Variants in MSRA observed in about 807,000 individuals in gnomAD.
MSRA encodes the protein methionine sulfoxide reductase A, also known as mitochondrial peptide methionine sulfoxide reductase.
In MSRA, 54 loss-of-function variants were observed where a neutral mutation model predicts 31.3. That is an observed-to-expected ratio of 1.73 (90% CI 1.39 to 2.17). MSRA has a LOEUF of 2.17. MSRA is among the 30% of genes most tolerant of loss of function. MSRA has a pLI of 0.00. For missense variants in MSRA, 507 were observed against 300.9 expected (o/e 1.69, Z -5.07); for synonymous variants, 169 against 116.5 (o/e 1.45, Z -2.90).
At chr8:10,118,652 G>A (rs964192344) in intron 1 of MSRA, among the ~76,000 whole-genome samples, 3 of 152,050 alleles carry the variant, frequency 2.0e-5, no homozygotes, top group Non-Finnish European at 2.9e-5. Flanking sequence ...CCAGTGTGCC[G>A]TGTGCTCCTT....
At chr8:10,309,231 GT>G (rs1168184585) in intron 4 of MSRA, among the ~76,000 whole-genome samples, 2 of 152,248 alleles carry the variant, frequency 1.3e-5, no homozygotes, top group African/African-American at 2.4e-5. Flanking sequence ...TGTATTAAAT[GT>G]TTTCTCGTTG....
At chr8:10,347,336 A>T (rs920900285) in intron 5 of MSRA, among the ~76,000 whole-genome samples, 1 of 152,194 alleles carries the variant, frequency 6.6e-6, no homozygotes, top group African/African-American at 2.4e-5. Context: ...GATATCTGCA[A>T]CTGGATATTC....
At chr8:10,236,987 C>T (rs1479928533) in intron 2 of MSRA, among the ~76,000 whole-genome samples, 1 of 152,222 alleles carries the variant, frequency 6.6e-6, no homozygotes, top group African/African-American at 2.4e-5. Flanking sequence ...CATTCTACCA[C>T]ATGTTAACTA....
intron 1 of MSRA, among the ~76,000 whole-genome samples, chr8:10,127,214 A>C (rs752964293): frequency 2.6e-5 from 4 of 152,140 alleles, no homozygotes; most frequent in African/African-American, 4.8e-5. Flanking sequence ...ATTTTTGCCA[A>C]GTGTTCCATT....
Position 10,428,362 on chromosome 8 carries a change from C to A in MSRA, c.*50C>A, listed in dbSNP as rs1318060332. 1 of 1,574,232 alleles carries A rather than the reference C, an allele frequency of 6.4e-7. No individual in the cohort carries two copies. ...GAGGTTCCAGTAAAAATGCTTTCAA[C>A]AAATTGGGCAATGCTTGTGTGATTC... On this transcript the variant is annotated 3_prime_UTR_variant, in exon 6 of 6. Coordinates refer to ENST00000317173, the MANE Select transcript of MSRA (RefSeq NM_012331.5).
At chr8:10,080,324 T>G (rs902481031) in intron 1 of MSRA, among the ~76,000 whole-genome samples, 1 of 152,064 alleles carries the variant, frequency 6.6e-6, no homozygotes, top group Non-Finnish European at 1.5e-5. Context: ...AATCTTTTTT[T>G]TTTTTTTCCT....
intron 1 of MSRA, among the ~76,000 whole-genome samples, chr8:10,107,365 C>G (rs11990610): frequency 0.26 from 39,795 of 151,716 alleles, 5,495 homozygotes; most frequent in East Asian, 0.41. Flanking sequence ...TCCTTGTAAC[C>G]AAACCGATGA....
At chr8:10,301,206 A>G (rs544469122) in intron 3 of MSRA, among the ~76,000 whole-genome samples, 2 of 152,304 alleles carry the variant, frequency 1.3e-5, no homozygotes, top group South Asian at 4.1e-4. Flanking sequence ...CTTGAGCGCT[A>G]TGTCAGGGTG....
At chr8:10,264,258 T>G (rs1393596039) in intron 3 of MSRA, among the ~76,000 whole-genome samples, 1 of 152,230 alleles carries the variant, frequency 6.6e-6, no homozygotes, top group Non-Finnish European at 1.5e-5. Context: ...TCATTTCCAG[T>G]AGCTTATGAG....
intron 3 of MSRA, among the ~76,000 whole-genome samples, chr8:10,287,572 T>C (rs1404850833): frequency 1.3e-5 from 2 of 152,200 alleles, no homozygotes; most frequent in African/African-American, 2.4e-5. Flanking sequence ...TGTTTGTTAC[T>C]GAGAGAACCC....
At chr8:10,202,917 G>T (rs1007801779) in intron 1 of MSRA, among the ~76,000 whole-genome samples, 1 of 152,166 alleles carries the variant, frequency 6.6e-6, no homozygotes, top group Non-Finnish European at 1.5e-5. Flanking sequence ...TGGGTAGGAA[G>T]TGGGAGAGCT....
chr8:10,231,561 CAGAT>C (rs1482505083), intron 2 of MSRA, among the ~76,000 whole-genome samples: 1 of 152,190 alleles, frequency 6.6e-6, no homozygotes, highest in African/African-American at 2.4e-5. Flanking sequence ...AAGTCATTCT[CAGAT>C]GGATGATATG....
chr8:10,113,687 C>A (rs1800465129), intron 1 of MSRA, among the ~76,000 whole-genome samples: 1 of 151,532 alleles, frequency 6.6e-6, no homozygotes, highest in Admixed American at 6.6e-5. Context: ...AGGTGGAAGA[C>A]TGTTAATTTA....
chr8:10,213,487 A>AGTG (rs1321311805), intron 2 of MSRA, among the ~76,000 whole-genome samples: 1 of 121,592 alleles, frequency 8.2e-6, no homozygotes, highest in Non-Finnish European at 1.6e-5. Flanking sequence ...CCCAGGCTGG[A>AGTG]GTGCAGTGAC....
At chr8:10,184,683 T>C (rs1462217422) in intron 1 of MSRA, among the ~76,000 whole-genome samples, 1 of 152,218 alleles carries the variant, frequency 6.6e-6, no homozygotes, top group Non-Finnish European at 1.5e-5. Flanking sequence ...TTTTCACTGA[T>C]CTACTTAACA....
intron 2 of MSRA, among the ~76,000 whole-genome samples, chr8:10,236,940 T>G (rs1013287732): frequency 5.3e-5 from 8 of 152,232 alleles, no homozygotes; most frequent in Non-Finnish European, 1.2e-4. Context: ...TATGTTATTG[T>G]TTTCATAGTA....
At chr8:10,195,398 G>C (rs1183954207) in intron 1 of MSRA, among the ~76,000 whole-genome samples, 1 of 152,098 alleles carries the variant, frequency 6.6e-6, no homozygotes, top group Non-Finnish European at 1.5e-5. Flanking sequence ...ATGCCACCAC[G>C]CCAGGCTAAT....
chr8:10,157,648 T>G (rs1804268041), intron 1 of MSRA, among the ~76,000 whole-genome samples: 1 of 152,046 alleles, frequency 6.6e-6, no homozygotes. Flanking sequence ...ATAATAATAG[T>G]TCTTTAATAT....
intron 2 of MSRA, among the ~76,000 whole-genome samples, chr8:10,226,435 C>G (rs891786092): frequency 6.6e-5 from 10 of 152,164 alleles, no homozygotes; most frequent in Non-Finnish European, 1.5e-4. Context: ...GGACCTCTTT[C>G]CCACATCCAT....
Sources: gnomAD v4.1 joint callset for allele counts (sites outside exome capture counted in the v4.1 genomes callset) on GRCh38, gnomAD v4.1.1 for gene constraint, MANE v1.5 for transcripts, NCBI Gene and HGNC (gene_info 2026-07-23, HGNC 2026-07-21) for gene names.